The following ZDHHC15 variants were observed in gnomAD, a reference collection of about 807,000 sequenced individuals.
The protein encoded by ZDHHC15 is palmitoyltransferase ZDHHC15.
In ZDHHC15, 19 loss-of-function variants were observed where a neutral mutation model predicts 31.7. The observed-to-expected ratio is 0.60, with a 90% CI of 0.42 to 0.88. The LOEUF (loss-of-function observed/expected upper bound fraction) is 0.88. ZDHHC15 is among the 40% of genes least tolerant of loss of function. The pLI is 0.00. For missense variants in ZDHHC15, 209 were observed against 251.2 expected, an observed-to-expected ratio of 0.83 and a Z score of 1.14; for synonymous variants, 103 against 90.0, an observed-to-expected ratio of 1.14 and a Z score of -0.82.
chrX:75,505,785 C>T (rs751271345), intron 2 of ZDHHC15, 36 bp downstream of exon 2: 30 of 1,200,123 alleles, frequency 2.5e-5, no homozygotes, highest in Middle Eastern at 2.3e-4. Context: ...AAAAAGGACA[C>T]GGTCCTGATC....
At chrX:75,425,424 G>C (rs1167757888) in intron 7 of ZDHHC15, among the ~76,000 whole-genome samples, 1 of 111,916 alleles carries the variant, frequency 8.9e-6, no homozygotes, top group Non-Finnish European at 1.9e-5. Context: ...AACTGTAAAA[G>C]TAGGTGGCTA....
intron 2 of ZDHHC15, among the ~76,000 whole-genome samples, chrX:75,488,220 A>G (rs1267206741): frequency 8.9e-6 from 1 of 111,792 alleles, no homozygotes; most frequent in Non-Finnish European, 1.9e-5. Flanking sequence ...TACAGTTATC[A>G]GGTTACCTAA....
chrX:75,431,356 T>C, intron 5 of ZDHHC15, 95 bp downstream of exon 5: 3 of 820,227 alleles, frequency 3.7e-6, no homozygotes, highest in Non-Finnish European at 5.2e-6. Context: ...AATGCTCTTA[T>C]CTAGGTATGA....
chrX:75,514,587 G>C (rs1266734774), intron 1 of ZDHHC15, among the ~76,000 whole-genome samples: 1 of 111,733 alleles, frequency 8.9e-6, no homozygotes, highest in Non-Finnish European at 1.9e-5. Flanking sequence ...GCGGGGCGGG[G>C]CATCACCTCA....
intron 1 of ZDHHC15, among the ~76,000 whole-genome samples, chrX:75,514,767 G>A (rs1293788506): frequency 1.8e-5 from 2 of 111,239 alleles, no homozygotes; most frequent in Non-Finnish European, 3.8e-5. Context: ...TGGGTCTCAC[G>A]CCCATGGAGC....
intron 4 of ZDHHC15, among the ~76,000 whole-genome samples, chrX:75,437,541 GT>G (rs2083877865): frequency 1.1e-5 from 1 of 94,285 alleles, no homozygotes; most frequent in African/African-American, 3.9e-5. Flanking sequence ...GCGGTGTTTG[GT>G]TTTTTGTTCT....
At chrX:75,412,966 A>G (rs1372009326) in intron 10 of ZDHHC15, among the ~76,000 whole-genome samples, 1 of 111,688 alleles carries the variant, frequency 9.0e-6, no homozygotes, top group Non-Finnish European at 1.9e-5. Flanking sequence ...TTTAGGATGA[A>G]CAAATCTAGA....
chrX:75,469,695 A>T (rs1474013239), intron 3 of ZDHHC15, among the ~76,000 whole-genome samples: 1 of 111,818 alleles, frequency 8.9e-6, no homozygotes, highest in African/African-American at 3.3e-5. Context: ...ATATACAGCC[A>T]TCTCTTTGAG....
intron 4 of ZDHHC15, among the ~76,000 whole-genome samples, chrX:75,433,795 G>A (rs2083815181): frequency 9.1e-6 from 1 of 109,444 alleles, no homozygotes; most frequent in Admixed American, 9.9e-5. Flanking sequence ...ACTGTGTTGC[G>A]ATGAACATGC....
chrX:75,392,455 A>C (rs193238507), intron 10 of ZDHHC15, among the ~76,000 whole-genome samples: 201 of 112,114 alleles, frequency 1.8e-3, no homozygotes, highest in African/African-American at 6.2e-3. Context: ...CCCAGGATCA[A>C]TACTTTGTAT....
At position 75,431,535 on chromosome X, in the gene ZDHHC15, A is replaced by G. The variant is rs1313996024; in HGVS notation, c.380-15T>C. The G allele has an allele frequency of 1.7e-6, 2 of 1,197,974 alleles. No homozygotes were observed. The highest frequency in any genetic ancestry group is 1.8e-5 in the South Asian group (1 of 55,031). On this transcript the variant is annotated splice_polypyrimidine_tract_variant and intron_variant, in intron 4 of 11. Transcript: ENST00000373367. ...GAATCGTACAGCTATAAAAAAAAAA[A>G]TAAGGTGGTTAGCACTTGTTAGGGC...
In ZDHHC15 at chrX:75,421,888, A is replaced by G; in HGVS notation, c.839T>C (p.Phe280Ser). ...CCTGGAACCAATAGGTATTAACCAGAACTTCTTCTTATCTCCAAACACCTG... is the reference window on the plus strand; with the variant it reads ...CCTGGAACCAATAGGTATTAACCAGGACTTCTTCTTATCTCCAAACACCTG... ...IQQVFGDKKK[F>S]WLIPIGSSPG... The change falls in exon 9 of 12, where the codon TTC (phenylalanine) becomes TCC (serine). Residue 280 changes from phenylalanine (F) to serine (S), a missense_variant. Phe to Ser is a radical substitution (Grantham distance 155, BLOSUM62 -2). Coordinates refer to ENST00000373367, the MANE Select transcript of ZDHHC15 (RefSeq NM_144969.3). The G allele has an allele frequency of 8.3e-7, 1 of 1,210,446 alleles. No homozygotes were observed. The highest frequency in any genetic ancestry group is 1.1e-6 in the Non-Finnish European group (1 of 894,820).
intron 4 of ZDHHC15, among the ~76,000 whole-genome samples, chrX:75,440,190 T>C (rs2083918882): frequency 8.9e-6 from 1 of 112,306 alleles, no homozygotes; most frequent in African/African-American, 3.2e-5. Flanking sequence ...ACTCAGGACC[T>C]CTGGTTAGCC....
At chrX:75,474,442 TATATATACACAC>T (rs1469763675) in intron 3 of ZDHHC15, among the ~76,000 whole-genome samples, 2 of 45,364 alleles carry the variant, frequency 4.4e-5, no homozygotes, top group African/African-American at 9.9e-5. Context: ...TTTATATATA[TATATATACACAC>T]ACACACACAC....
At chrX:75,518,007 A>C (rs182980541) in intron 1 of ZDHHC15, among the ~76,000 whole-genome samples, 241 of 110,647 alleles carry the variant, frequency 2.2e-3, no homozygotes, top group Non-Finnish European at 3.9e-3. Flanking sequence ...CAAACAAACA[A>C]AAAACCAAAA....
At chrX:75,417,066 A>T (rs1486401933) in intron 10 of ZDHHC15, 21 bp downstream of exon 10, 1 of 1,147,718 alleles carries the variant, frequency 8.7e-7, no homozygotes, top group Non-Finnish European at 1.2e-6. Flanking sequence ...TGTGGACTTC[A>T]TAGTCTTTGA....
chrX:75,435,048 T>C (rs1414595275), intron 4 of ZDHHC15, among the ~76,000 whole-genome samples: 1 of 112,189 alleles, frequency 8.9e-6, no homozygotes, highest in Non-Finnish European at 1.9e-5. Flanking sequence ...TAGAGGTCTT[T>C]CATGTCCTTG....
At chrX:75,407,497 G>C (rs2147809840) in intron 10 of ZDHHC15, among the ~76,000 whole-genome samples, 1 of 108,729 alleles carries the variant, frequency 9.2e-6, no homozygotes, top group Admixed American at 9.5e-5. Flanking sequence ...CCGTCCGGGA[G>C]GGAGGTGGGG....
At chrX:75,483,304 G>C (rs2084722306) in intron 2 of ZDHHC15, among the ~76,000 whole-genome samples, 1 of 110,141 alleles carries the variant, frequency 9.1e-6, no homozygotes, top group Non-Finnish European at 1.9e-5. Context: ...TGTTAAAAAA[G>C]AGAAAAAATG....
Sources: gnomAD v4.1 joint callset for allele counts (sites outside exome capture counted in the v4.1 genomes callset) on GRCh38, gnomAD v4.1.1 for gene constraint, MANE v1.5 for transcripts, NCBI Gene and HGNC (gene_info 2026-07-23, HGNC 2026-07-21) for gene names.